TRAPPC8: variants seen among roughly 807,000 people sequenced by gnomAD.
TRAPPC8 encodes general sporulation gene 1 homolog.
In TRAPPC8, 54 loss-of-function variants were observed where a neutral mutation model predicts 174.3. That is an observed-to-expected ratio of 0.31 (90% CI 0.25 to 0.39). The LOEUF (loss-of-function observed/expected upper bound fraction) is 0.39. Ranked by LOEUF, TRAPPC8 falls within the 10% of genes least tolerant of loss-of-function variation. The pLI, the probability that TRAPPC8 is intolerant of heterozygous loss-of-function variation, is 1.00. For synonymous variants in TRAPPC8, 630 were observed against 579.9 expected (o/e 1.09, Z -1.24); for missense variants, 1,531 against 1,699.1 (o/e 0.90, Z 1.74).
chr18:31,902,633 AAGGTTGGC>A (rs763339048), intron 9 of TRAPPC8, among the ~76,000 whole-genome samples: 3 of 152,182 alleles, frequency 2.0e-5, no homozygotes, highest in Non-Finnish European at 4.4e-5. Flanking sequence ...AAAGGGAAAA[AAGGTTGGC>A]CAGGCCCAAC....
chr18:31,839,434 C>T lies in TRAPPC8; in HGVS notation c.3861G>A (p.Leu1287=). ...QKQEPPEMEL[L]KFFRPENITV... ...TAATGTTTTCTGGCCTGAAAAATTT[C>T]AATAGTTCCATTTCTGGTGGCTCCT... Residue 1287 remains leucine (L), a synonymous_variant, in exon 27 of 29, where the codon TTG becomes TTA. Transcript: ENST00000283351. 1 of 1,593,354 alleles carries T rather than the reference C, an allele frequency of 6.3e-7. No individual in the cohort carries two copies. The highest frequency in any genetic ancestry group is 8.5e-7 in the Non-Finnish European group (1 of 1,171,594).
chr18:31,840,217 C>T (rs1456790313), intron 26 of TRAPPC8, among the ~76,000 whole-genome samples: 9 of 151,970 alleles, frequency 5.9e-5, no homozygotes, highest in African/African-American at 1.7e-4. Context: ...ATTAGCCAGG[C>T]GTGGTGGTAC....
At chr18:31,867,505 T>G (rs2291238) in intron 16 of TRAPPC8, 29 bp from the exon 17 acceptor site, 373,978 of 1,413,964 alleles carry the variant, frequency 0.26, 52,231 homozygotes, top group Middle Eastern at 0.33. Context: ...AAATTATACA[T>G]TCCAATGAAC....
intron 1 of TRAPPC8, among the ~76,000 whole-genome samples, chr18:31,935,871 G>C (rs1170891844): frequency 6.6e-6 from 1 of 151,748 alleles, no homozygotes; most frequent in Non-Finnish European, 1.5e-5. Flanking sequence ...GAGTAGCTGG[G>C]ATTACAGGCG....
At chr18:31,893,583 T>C (rs1225124174) in intron 11 of TRAPPC8, among the ~76,000 whole-genome samples, 1 of 152,210 alleles carries the variant, frequency 6.6e-6, no homozygotes, top group Non-Finnish European at 1.5e-5. Context: ...AAATGATACC[T>C]TAATCATATG....
intron 1 of TRAPPC8, among the ~76,000 whole-genome samples, chr18:31,932,001 A>T (rs1234487479): frequency 6.6e-6 from 1 of 152,184 alleles, no homozygotes; most frequent in African/African-American, 2.4e-5. Flanking sequence ...ATAAAAATCA[A>T]TGCCCACACC....
At chr18:31,897,530 G>A (rs1464108659) in intron 11 of TRAPPC8, among the ~76,000 whole-genome samples, 1 of 152,084 alleles carries the variant, frequency 6.6e-6, no homozygotes, top group East Asian at 1.9e-4. Context: ...AACGTAATAA[G>A]TCACAGAGTA....
Position 31,874,716 on chromosome 18 carries a change from TAAAC to T in TRAPPC8, c.1729-16_1729-13del, listed in dbSNP as rs756382054. On this transcript the variant is annotated splice_polypyrimidine_tract_variant and intron_variant, in intron 12 of 28. Coordinates refer to ENST00000283351, the MANE Select transcript of TRAPPC8 (RefSeq NM_014939.5). ...AAAGCATGCTTTTTCTGTAAGAAAA[TAAAC>T]AAAATAATGTATTATACTCCAAATT... The T allele has an allele frequency of 1.9e-5, 30 of 1,605,100 alleles. No homozygotes were observed. The Admixed American group carries it at 3.7e-4, about 20-fold the overall frequency.
chr18:31,911,688 G>A (rs1000977826), intron 5 of TRAPPC8, among the ~76,000 whole-genome samples: 7 of 143,086 alleles, frequency 4.9e-5, no homozygotes, highest in Admixed American at 3.0e-4. Flanking sequence ...GCAGTGAGCC[G>A]AGATCATGCA....
At chr18:31,870,696 T>C (rs569489976) in intron 15 of TRAPPC8, among the ~76,000 whole-genome samples, 194 bp from the exon 16 acceptor site, 9 of 152,300 alleles carry the variant, frequency 5.9e-5, no homozygotes, top group African/African-American at 2.2e-4. Flanking sequence ...TTTCCCCAAT[T>C]TCTCTGTACT....
intron 1 of TRAPPC8, among the ~76,000 whole-genome samples, chr18:31,939,082 C>CAAAAAAAAAAAAAAAAAAA (rs397963630): frequency 1.5e-5 from 1 of 68,072 alleles, no homozygotes. Context: ...GACTCCGTCT[C>CAAAAAAAAAAAAAAAAAAA]AAAAAAAAAA....
At chr18:31,838,858 C>T (rs1461332778) in intron 27 of TRAPPC8, among the ~76,000 whole-genome samples, 1 of 151,992 alleles carries the variant, frequency 6.6e-6, no homozygotes, top group Non-Finnish European at 1.5e-5. Context: ...TAGCTTCTTT[C>T]TCAGATGTTA....
intron 22 of TRAPPC8, chr18:31,852,920 C>G (rs1041884009): frequency 7.6e-6 from 3 of 394,004 alleles, no homozygotes; most frequent in Non-Finnish European, 1.4e-5. Flanking sequence ...TTCAGATAAA[C>G]AGTAAGTTTG....
intron 20 of TRAPPC8, among the ~76,000 whole-genome samples, chr18:31,857,124 G>A (rs1468734291): frequency 2.0e-5 from 3 of 151,960 alleles, no homozygotes; most frequent in Non-Finnish European, 4.4e-5. Flanking sequence ...ACATTCTTGT[G>A]GGGCAAGGGG....
At chr18:31,851,886 T>A (rs9961891) in intron 24 of TRAPPC8, among the ~76,000 whole-genome samples, 10 of 147,360 alleles carry the variant, frequency 6.8e-5, no homozygotes, top group African/African-American at 2.4e-4. Context: ...TTAAAAAAAA[T>A]ATCCCAAGAA....
intron 19 of TRAPPC8, among the ~76,000 whole-genome samples, chr18:31,861,819 G>C (rs2034336664): frequency 6.7e-6 from 1 of 150,034 alleles, no homozygotes; most frequent in Admixed American, 6.7e-5. Flanking sequence ...TCCACCTGTA[G>C]TCCCAGCTAT....
At position 31,892,094 on chromosome 18, in the gene TRAPPC8, T is replaced by C. The variant is rs185876403; in HGVS notation, c.1597-1228A>G. ...GGAGCTTGGGAGCCTATTTTATTTTTTAGAAAAATGTTTTCTTTTTAGAAA... is the reference window on the plus strand; with the variant it reads ...GGAGCTTGGGAGCCTATTTTATTTTCTAGAAAAATGTTTTCTTTTTAGAAA... On this transcript the variant is annotated intron_variant, in intron 11 of 28. Coordinates refer to ENST00000283351, the MANE Select transcript of TRAPPC8 (RefSeq NM_014939.5). Among the ~76,000 whole-genome samples the C allele has an allele frequency of 1.4e-3, 210 of 152,340 alleles. 1 individual carries two copies. Among genetic ancestry groups the C allele is most frequent in the African/African-American group, 4.8e-3 (199 of 41,590 alleles).
rs2032245188 is a variant in TRAPPC8 at position 31,829,646 on chromosome 18, C to T, written c.*1109G>A. 6.6e-6 allele frequency: 1 copy of T among 152,234 alleles called. No homozygotes were observed. The highest frequency in any genetic ancestry group is 2.4e-5 in the African/African-American group (1 of 41,444). 9.4% of individuals were successfully genotyped at this position (152,234 alleles called of 1,614,324 possible). Reference sequence around the variant, plus strand: ...TCTCTCCCCACTTTGGTGCAGTCTGCTCCGATTAGTGCCGAGATTGAGACT... The same window carrying T: ...TCTCTCCCCACTTTGGTGCAGTCTGTTCCGATTAGTGCCGAGATTGAGACT... On this transcript the variant is annotated 3_prime_UTR_variant, in exon 29 of 29. Coordinates refer to ENST00000283351, the MANE Select transcript of TRAPPC8 (RefSeq NM_014939.5).
At chr18:31,868,446 T>C (rs2034687754) in intron 16 of TRAPPC8, among the ~76,000 whole-genome samples, 1 of 152,188 alleles carries the variant, frequency 6.6e-6, no homozygotes, top group Non-Finnish European at 1.5e-5. Context: ...ATCTCCCATA[T>C]TGAACAGACT....
Sources: gnomAD v4.1 joint callset for allele counts (sites outside exome capture counted in the v4.1 genomes callset) on GRCh38, gnomAD v4.1.1 for gene constraint, MANE v1.5 for transcripts, NCBI Gene and HGNC (gene_info 2026-07-23, HGNC 2026-07-21) for gene names.